Variants in ABCB9 observed in about 807,000 individuals in gnomAD.
ABCB9 encodes ATP binding cassette subfamily B member 9.
A neutral mutation model predicts 62.0 loss-of-function variants in ABCB9; 36 were observed. That is an observed-to-expected ratio of 0.58 (90% CI 0.45 to 0.77). The LOEUF (loss-of-function observed/expected upper bound fraction) is 0.77. Ranked by LOEUF, ABCB9 falls within the 30% of genes least tolerant of loss-of-function variation. ABCB9 has a pLI of 0.00. For missense variants in ABCB9, 943 were observed against 1,054.7 expected, an observed-to-expected ratio of 0.89 and a Z score of 1.47; for synonymous variants, 435 against 461.4, an observed-to-expected ratio of 0.94 and a Z score of 0.73.
chr12:122,932,152 C>T lies in ABCB9; in HGVS notation c.2040+40G>A. The T allele has an allele frequency of 6.4e-7, 1 of 1,550,516 alleles. No homozygotes were observed. The highest frequency in any genetic ancestry group is 1.4e-5 in the African/African-American group (1 of 73,138). ...CGATGGGGGCTCTGGCCACCTGGAG[C>T]CGCTCCTGCCCCCGCATTGCCCACC... On this transcript the variant is annotated intron_variant, in intron 11 of 11. Coordinates refer to ENST00000280560, the MANE Select transcript of ABCB9 (RefSeq NM_019625.4). The surrounding 1 kb of genome is among the most constrained non-coding windows in gnomAD (Gnocchi z 4.7).
At chr12:122,935,602 G>A (rs538367668) in intron 9 of ABCB9, among the ~76,000 whole-genome samples, 171 bp from the exon 10 acceptor site, 23 of 152,236 alleles carry the variant, frequency 1.5e-4, no homozygotes, top group African/African-American at 5.3e-4. Context: ...AGTGACTCCC[G>A]CCTGTACCCA....
At chr12:122,973,225 C>T (rs2037302396) in intron 1 of ABCB9, 2 of 150,892 alleles carry the variant, frequency 1.3e-5, no homozygotes, top group Admixed American at 1.3e-4. Flanking sequence ...GCGCAGTGGT[C>T]TCAGTTCTAG....
intron 1 of ABCB9, among the ~76,000 whole-genome samples, chr12:122,962,092 C>T (rs1447082419): frequency 6.6e-6 from 1 of 152,286 alleles, no homozygotes; most frequent in Non-Finnish European, 1.5e-5. Context: ...GGTTGGCCCT[C>T]GTGCCCAGCC....
downstream of ABCB9, among the ~76,000 whole-genome samples, chr12:122,924,002 C>T (rs1045066821): frequency 1.3e-5 from 2 of 152,214 alleles, no homozygotes; most frequent in Non-Finnish European, 2.9e-5. Flanking sequence ...TGCACATCTT[C>T]ACCCTGAAGT....
At position 122,932,322 on chromosome 12, in the gene ABCB9, CCT is replaced by C. The variant is rs771131046; in HGVS notation, c.1908_1909del (p.Lys639GlyfsTer29). 2.6e-6 allele frequency: 4 copies of C among 1,550,708 alleles called. No individual in the cohort carries two copies. Among genetic ancestry groups the C allele is most frequent in the East Asian group, 4.9e-5 (2 of 40,920 alleles). Reference sequence around the variant, plus strand: ...ACCTGACAGCTGGGCGCCCTTCTCCCCTGTCTCTGTATGGTGGAGGCACAGAG... The same window carrying C: ...ACCTGACAGCTGGGCGCCCTTCTCCCGTCTCTGTATGGTGGAGGCACAGAG... On this transcript the variant is annotated frameshift_variant, in exon 11 of 12. Coordinates refer to ENST00000280560, the MANE Select transcript of ABCB9 (RefSeq NM_019625.4). LOFTEE classifies it high-confidence loss of function. The surrounding 1 kb of genome is among the most constrained non-coding windows in gnomAD (Gnocchi z 4.7).
downstream of ABCB9, among the ~76,000 whole-genome samples, chr12:122,928,302 T>G (rs550253747): frequency 6.6e-6 from 1 of 151,898 alleles, no homozygotes; most frequent in South Asian, 2.1e-4. Context: ...AAACCCATCT[T>G]TACTAAAAAT....
At chr12:122,960,456 G>T in intron 1 of ABCB9, 134 bp from the exon 2 acceptor site, 1 of 629,132 alleles carries the variant, frequency 1.6e-6, no homozygotes, top group Non-Finnish European at 2.7e-6. Context: ...TCAACTTCCC[G>T]GGTACTAAGA....
chr12:122,934,921 GCCTCCTCCTCTGCCTCCA>G (rs1457257046), intron 10 of ABCB9, among the ~76,000 whole-genome samples: 1 of 151,666 alleles, frequency 6.6e-6, no homozygotes, highest in African/African-American at 2.4e-5. Flanking sequence ...ATGGAGAGCT[GCCTCCTCCTCTGCCTCCA>G]CCTCCTCCTC....
chr12:122,950,329 G>A, intron 3 of ABCB9, 122 bp downstream of exon 3: 1 of 926,352 alleles, frequency 1.1e-6, no homozygotes, highest in Admixed American at 2.5e-5. Context: ...CTGAGGGACA[G>A]GCCCACCAGG....
chr12:122,921,635 G>A (rs1166908237), intron 11 of ABCB9, among the ~76,000 whole-genome samples: 2 of 151,946 alleles, frequency 1.3e-5, no homozygotes, highest in Admixed American at 6.6e-5. Context: ...AAATCAGCTG[G>A]GTGTGGTGGC....
Position 122,944,325 on chromosome 12 carries a change from T to G in ABCB9, c.1380+66A>C, listed in dbSNP as rs1021368422. The G allele has an allele frequency of 1.8e-3, 1,044 of 594,236 alleles. No individual in the cohort carries two copies. Among genetic ancestry groups the G allele is most frequent in the Non-Finnish European group, 2.3e-3 (874 of 381,548 alleles). 36.8% of individuals were successfully genotyped at this position (594,236 alleles called of 1,614,324 possible). On this transcript the variant is annotated intron_variant, in intron 7 of 11. Coordinates refer to ENST00000280560, the MANE Select transcript of ABCB9 (RefSeq NM_019625.4). This position sits in a 1 kb window ranked among gnomAD's most constrained non-coding sequence, Gnocchi z 4.9. ...AGTCCCTGGAGCCCCGCCCCCACCCTGTTAAGATCCCTCTTCCCCAAACTC... is the reference window on the plus strand; with the variant it reads ...AGTCCCTGGAGCCCCGCCCCCACCCGGTTAAGATCCCTCTTCCCCAAACTC...
chr12:122,925,551 A>G (rs896622117), downstream of ABCB9, among the ~76,000 whole-genome samples: 3 of 152,082 alleles, frequency 2.0e-5, no homozygotes, highest in Non-Finnish European at 4.4e-5. Flanking sequence ...GATTGAGACC[A>G]TTCTGGCTAA....
chr12:122,919,463 T>C (rs2034695401), downstream of ABCB9, among the ~76,000 whole-genome samples: 1 of 152,112 alleles, frequency 6.6e-6, no homozygotes, highest in Non-Finnish European at 1.5e-5. Flanking sequence ...TGAGCCACTG[T>C]GCCCAGGTCC....
intron 10 of ABCB9, 122 bp downstream of exon 10, chr12:122,935,150 T>C (rs1215400838): frequency 8.2e-7 from 1 of 1,223,446 alleles, no homozygotes; most frequent in Non-Finnish European, 1.1e-6. Context: ...CAGGGTAACG[T>C]AGCGGGACCC....
chr12:122,940,954 C>A lies in ABCB9; in HGVS notation c.1422G>T (p.Gly474=). ...SVYSGLMQGV[G]AAEKVFEFID... ...TGAACTCGAACACCTTCTCAGCAGCCCCCACTCCCTGCATCAGGCCACTGT... is the reference window on the plus strand; with the variant it reads ...TGAACTCGAACACCTTCTCAGCAGCACCCACTCCCTGCATCAGGCCACTGT... Residue 474 remains glycine (G), a synonymous_variant, in exon 8 of 12, where the codon GGG becomes GGT. Transcript: ENST00000280560. The surrounding 1 kb of genome is among the most constrained non-coding windows in gnomAD (Gnocchi z 4.8). The A allele has an allele frequency of 6.2e-7, 1 of 1,612,410 alleles. No homozygotes were observed.
At position 122,932,313 on chromosome 12, in the gene ABCB9, C is replaced by T. The variant is rs1477372874; in HGVS notation, c.1919G>A (p.Gly640Asp). The T allele has an allele frequency of 1.3e-6, 2 of 1,550,882 alleles. No individual in the cohort carries two copies. The highest frequency in any genetic ancestry group is 1.7e-6 in the Non-Finnish European group (2 of 1,146,888). ...DGYSTETGEKGAQLSGGQKQR... is the reference protein window; with the variant it reads ...DGYSTETGEKDAQLSGGQKQR... ...CTTCTGGCCACCTGACAGCTGGGCG[C>T]CCTTCTCCCCTGTCTCTGTATGGTG... is the stretch of plus-strand genomic sequence containing the variant. The change falls in exon 11 of 12, where the codon GGC becomes GAC. Residue 640 changes from glycine (G) to aspartate (D), a missense_variant. Gly to Asp is a moderately conservative substitution (Grantham distance 94, BLOSUM62 -1). Coordinates refer to ENST00000280560, the MANE Select transcript of ABCB9 (RefSeq NM_019625.4). The surrounding 1 kb of genome is among the most constrained non-coding windows in gnomAD (Gnocchi z 4.7).
At chr12:122,935,169 C>CA (rs1315662376) in intron 10 of ABCB9, 103 bp downstream of exon 10, 247 of 1,355,390 alleles carry the variant, frequency 1.8e-4, no homozygotes, top group Non-Finnish European at 2.1e-4. Context: ...CCCATCTCTA[C>CA]AAAAAAAAGA....
chr12:122,933,862 C>G (rs2035320894), intron 10 of ABCB9, among the ~76,000 whole-genome samples: 1 of 152,010 alleles, frequency 6.6e-6, no homozygotes, highest in Non-Finnish European at 1.5e-5. Flanking sequence ...TTAACATATA[C>G]ATTATCTCAC....
intron 2 of ABCB9, among the ~76,000 whole-genome samples, chr12:122,958,965 G>A (rs996201270): frequency 3.3e-5 from 5 of 151,370 alleles, no homozygotes; most frequent in Admixed American, 3.3e-4. Flanking sequence ...GAACTCCTGG[G>A]CTCAGGCAAT....
Sources: gnomAD v4.1 joint callset for allele counts (sites outside exome capture counted in the v4.1 genomes callset) on GRCh38, gnomAD v4.1.1 for gene constraint, Gnocchi (gnomAD v3.1) non-coding constraint, MANE v1.5 for transcripts, NCBI Gene and HGNC (gene_info 2026-07-23, HGNC 2026-07-21) for gene names.